Variants in CNTLN observed in about 807,000 individuals in gnomAD.
CNTLN encodes the protein centlein, also known as centlein, centrosomal protein.
A neutral mutation model predicts 180.0 loss-of-function variants in CNTLN; 212 were observed. The observed-to-expected ratio is 1.18, with a 90% CI of 1.05 to 1.32. The LOEUF is 1.32. Among genes scored for constraint, CNTLN ranks in the 40% most tolerant of loss-of-function variants. The pLI, the probability that CNTLN is intolerant of heterozygous loss-of-function variation, is 0.00. For synonymous variants in CNTLN, 722 were observed against 563.1 expected (o/e 1.28, Z -3.99); for missense variants, 2,095 against 1,610.9 (o/e 1.30, Z -5.14).
chr9:17,257,166 C>G (rs1263546525), intron 5 of CNTLN, among the ~76,000 whole-genome samples: 1 of 151,776 alleles, frequency 6.6e-6, no homozygotes, highest in Admixed American at 6.6e-5. Flanking sequence ...GTGATGTTCC[C>G]CTTCCTGTGT....
intron 14 of CNTLN, among the ~76,000 whole-genome samples, chr9:17,388,650 G>A (rs1442520): frequency 0.81 from 123,516 of 151,808 alleles, 50,796 homozygotes; most frequent in Non-Finnish European, 0.87. Context: ...TTATAGTTTT[G>A]CCACAGTAAA....
At chr9:17,499,367 G>T (rs1409852923) in intron 25 of CNTLN, among the ~76,000 whole-genome samples, 1 of 152,148 alleles carries the variant, frequency 6.6e-6, no homozygotes, top group Non-Finnish European at 1.5e-5. Flanking sequence ...AAAATAGCCA[G>T]TTAACTTGAA....
At chr9:17,476,988 A>T (rs1435023280) in intron 23 of CNTLN, among the ~76,000 whole-genome samples, 1 of 152,182 alleles carries the variant, frequency 6.6e-6, no homozygotes, top group Admixed American at 6.5e-5. Context: ...GTCTCTTGTT[A>T]GGGGCTAATG....
At chr9:17,368,789 G>A (rs1211619134) in intron 13 of CNTLN, among the ~76,000 whole-genome samples, 2 of 152,152 alleles carry the variant, frequency 1.3e-5, no homozygotes, top group Non-Finnish European at 2.9e-5. Flanking sequence ...AGTCTTACTG[G>A]ACTTGGGGTG....
chr9:17,371,831 C>A (rs1164873402), intron 13 of CNTLN, among the ~76,000 whole-genome samples: 1 of 152,004 alleles, frequency 6.6e-6, no homozygotes, highest in Non-Finnish European at 1.5e-5. Context: ...GCTCTGCAGA[C>A]ATATGGAAAT....
At chr9:17,483,149 C>T (rs1268085148) in intron 23 of CNTLN, among the ~76,000 whole-genome samples, 5 of 151,962 alleles carry the variant, frequency 3.3e-5, no homozygotes, top group Admixed American at 6.6e-5. Flanking sequence ...TTCCCGAATA[C>T]GTGAAGAACT....
In CNTLN at chr9:17,286,638, G is replaced by A. The variant is rs914335552; in HGVS notation, c.984-11552G>A. Among the ~76,000 whole-genome samples the A allele has an allele frequency of 1.8e-4, 23 of 129,936 alleles. 4 individuals are homozygous for A. The highest frequency in any genetic ancestry group is 4.9e-4 in the African/African-American group (15 of 30,472). The allele number at this position is 129,936 out of a possible 152,430, so 85.2% of individuals were successfully genotyped here. On this transcript the variant is annotated intron_variant, in intron 6 of 25. Coordinates refer to ENST00000380647, the MANE Select transcript of CNTLN (RefSeq NM_017738.4). ...CGATATTGATTCTTCCTACCCATGA[G>A]CATGGAATGTTCTTCCATTTGTTTG...
intron 13 of CNTLN, among the ~76,000 whole-genome samples, chr9:17,385,536 C>T (rs372969148): frequency 1.3e-5 from 2 of 152,114 alleles, no homozygotes; most frequent in African/African-American, 4.8e-5. Flanking sequence ...GGTCCTATTA[C>T]TCAAGAAATT....
intron 2 of CNTLN, among the ~76,000 whole-genome samples, chr9:17,146,063 A>C (rs920339595): frequency 2.6e-5 from 4 of 152,190 alleles, no homozygotes; most frequent in Non-Finnish European, 5.9e-5. Flanking sequence ...TGAAGCTTGT[A>C]GGATTTTCTC....
chr9:17,367,551 C>T (rs1350152110), intron 13 of CNTLN, among the ~76,000 whole-genome samples: 1 of 152,160 alleles, frequency 6.6e-6, no homozygotes, highest in African/African-American at 2.4e-5. Context: ...TCTCCCAACC[C>T]TTGGCAGCAC....
chr9:17,298,813 C>T, intron 7 of CNTLN: 1 of 986,068 alleles, frequency 1.0e-6, no homozygotes, highest in South Asian at 4.7e-5. Context: ...CAGGATTTTT[C>T]TCTGTTTATT....
chr9:17,290,507 C>T (rs989492483), intron 6 of CNTLN, among the ~76,000 whole-genome samples: 1 of 145,778 alleles, frequency 6.9e-6, no homozygotes, highest in Non-Finnish European at 1.5e-5. Context: ...CAGAGGCAGG[C>T]AGGCCTCCTT....
chr9:17,155,157 C>G (rs987386455), intron 2 of CNTLN, among the ~76,000 whole-genome samples: 8 of 152,332 alleles, frequency 5.3e-5, no homozygotes, highest in Middle Eastern at 3.4e-3. Flanking sequence ...ATCTGAACAT[C>G]TGAAGGAACA....
At chr9:17,233,683 A>G (rs984390904) in intron 3 of CNTLN, among the ~76,000 whole-genome samples, 1 of 152,100 alleles carries the variant, frequency 6.6e-6, no homozygotes, top group African/African-American at 2.4e-5. Context: ...TAAATATAGC[A>G]TAGTTATCTG....
At chr9:17,484,155 C>T in intron 23 of CNTLN, 140 bp from the exon 24 acceptor site, 1 of 659,956 alleles carries the variant, frequency 1.5e-6, no homozygotes, top group Non-Finnish European at 2.5e-6. Flanking sequence ...AAGAGCAATC[C>T]ACTATATTCC....
intron 18 of CNTLN, among the ~76,000 whole-genome samples, chr9:17,427,771 C>T (rs897721550): frequency 2.0e-5 from 3 of 152,132 alleles, no homozygotes; most frequent in Admixed American, 6.6e-5. Context: ...GGGCTCTCAA[C>T]GGTGGATTAT....
chr9:17,273,484 A>G (rs1041780581), intron 5 of CNTLN, among the ~76,000 whole-genome samples: 5 of 152,132 alleles, frequency 3.3e-5, no homozygotes, highest in South Asian at 2.1e-4. Context: ...TTTTTTATAC[A>G]TATCTTCTAG....
At chr9:17,316,095 T>C (rs1194028248) in intron 8 of CNTLN, among the ~76,000 whole-genome samples, 1 of 152,000 alleles carries the variant, frequency 6.6e-6, no homozygotes, top group Non-Finnish European at 1.5e-5. Context: ...TATCAGGTTT[T>C]GCTTCATGTA....
chr9:17,158,582 A>G (rs918535203), intron 2 of CNTLN, among the ~76,000 whole-genome samples: 7 of 151,540 alleles, frequency 4.6e-5, no homozygotes, highest in African/African-American at 9.7e-5. Context: ...CAGATTTTCT[A>G]TTTTTTCTTG....
Sources: gnomAD v4.1 joint callset for allele counts (sites outside exome capture counted in the v4.1 genomes callset) on GRCh38, gnomAD v4.1.1 for gene constraint, MANE v1.5 for transcripts, NCBI Gene and HGNC (gene_info 2026-07-23, HGNC 2026-07-21) for gene names.